COL23A1: variants seen among roughly 807,000 people sequenced by gnomAD.
COL23A1 encodes collagen alpha-1(XXIII) chain.
COL23A1 carries 97 observed loss-of-function variants against 99.3 expected under a neutral mutation model. The observed-to-expected ratio is 0.98, with a 90% CI of 0.83 to 1.16. The LOEUF is 1.16. Ranked by LOEUF, COL23A1 falls within the 50% of genes most tolerant of loss-of-function variation. The pLI, the probability that COL23A1 is intolerant of heterozygous loss-of-function variation, is 0.00. For missense variants in COL23A1, 762 were observed against 757.4 expected, an observed-to-expected ratio of 1.01 and a Z score of -0.07; for synonymous variants, 320 against 308.2, an observed-to-expected ratio of 1.04 and a Z score of -0.40.
At chr5:178,391,767 C>T (rs1382914911) in intron 2 of COL23A1, among the ~76,000 whole-genome samples, 3 of 152,186 alleles carry the variant, frequency 2.0e-5, no homozygotes, top group African/African-American at 7.2e-5. Context: ...CATACAAACA[C>T]TTGTACGCCC....
chr5:178,537,417 G>A (rs207466642), intron 2 of COL23A1, among the ~76,000 whole-genome samples: 1 of 152,236 alleles, frequency 6.6e-6, no homozygotes, highest in Non-Finnish European at 1.5e-5. Context: ...GGGTGGGGCT[G>A]GGTGAAGGGC....
intron 2 of COL23A1, among the ~76,000 whole-genome samples, chr5:178,376,355 G>T (rs1763072014): frequency 6.6e-6 from 1 of 152,228 alleles, no homozygotes; most frequent in South Asian, 2.1e-4. Context: ...TGAGAAGTAG[G>T]TATTATCATT....
intron 2 of COL23A1, among the ~76,000 whole-genome samples, chr5:178,334,698 T>A (rs1039427488): frequency 3.9e-5 from 6 of 152,160 alleles, no homozygotes; most frequent in Non-Finnish European, 7.4e-5. Flanking sequence ...CATCTGCACT[T>A]AAAGACAGCG....
chr5:178,272,405 A>G (rs55997065), intron 5 of COL23A1, among the ~76,000 whole-genome samples: 2,366 of 152,280 alleles, frequency 0.016, 69 homozygotes, highest in African/African-American at 0.053. Context: ...GGCAGCAGGA[A>G]ACCAGGCAGT....
chr5:178,357,905 A>T (rs1761792861), intron 2 of COL23A1, among the ~76,000 whole-genome samples: 1 of 104,676 alleles, frequency 9.6e-6, no homozygotes, highest in Non-Finnish European at 2.0e-5. Context: ...ATGTGTGTCT[A>T]ATGTGTGTGT....
intron 1 of COL23A1, among the ~76,000 whole-genome samples, chr5:178,580,796 G>C (rs958768111): frequency 6.6e-5 from 10 of 152,112 alleles, no homozygotes; most frequent in Admixed American, 2.0e-4. Flanking sequence ...AAGGTGGGAG[G>C]GCTGCTTGAG....
At chr5:178,268,647 C>T (rs1381909046) in intron 7 of COL23A1, 83 bp downstream of exon 7, 7 of 1,467,040 alleles carry the variant, frequency 4.8e-6, no homozygotes, top group Admixed American at 1.8e-5. Flanking sequence ...TGCTCAAGGG[C>T]ACACTGGAAC....
At chr5:178,304,232 GGC>G (rs1216424584) in intron 3 of COL23A1, among the ~76,000 whole-genome samples, 1 of 152,176 alleles carries the variant, frequency 6.6e-6, no homozygotes, top group Non-Finnish European at 1.5e-5. Context: ...TTTCTCTGTG[GGC>G]GCGGTGGCTC....
intron 2 of COL23A1, among the ~76,000 whole-genome samples, chr5:178,318,978 G>A (rs1013326512): frequency 7.9e-5 from 12 of 152,082 alleles, no homozygotes; most frequent in African/African-American, 2.9e-4. Flanking sequence ...CCTGTAGCCA[G>A]GTGAAGGCAG....
At chr5:178,456,877 G>C (rs1173860614) in intron 2 of COL23A1, among the ~76,000 whole-genome samples, 1 of 152,138 alleles carries the variant, frequency 6.6e-6, no homozygotes, top group Non-Finnish European at 1.5e-5. Context: ...AAAATTCCCT[G>C]ATTTCCCCTC....
chr5:178,523,175 TATACAC>T (rs1169827510), intron 2 of COL23A1, among the ~76,000 whole-genome samples: 167 of 89,606 alleles, frequency 1.9e-3, no homozygotes, highest in Middle Eastern at 0.012. Flanking sequence ...TATATATATA[TATACAC>T]ATATATATAT....
chr5:178,582,944 G>A (rs527358588), intron 1 of COL23A1, among the ~76,000 whole-genome samples: 12 of 152,210 alleles, frequency 7.9e-5, no homozygotes, highest in African/African-American at 1.7e-4. Flanking sequence ...CACAGGGTTC[G>A]CAGACATTCG....
chr5:178,537,135 G>A (rs1275708868), intron 2 of COL23A1, among the ~76,000 whole-genome samples: 1 of 152,152 alleles, frequency 6.6e-6, no homozygotes, highest in Non-Finnish European at 1.5e-5. Flanking sequence ...AGGCGTAGAG[G>A]GAGGGGGTCC....
At chr5:178,245,270 A>C in intron 25 of COL23A1, among the ~76,000 whole-genome samples, 4 of 123,098 alleles carry the variant, frequency 3.2e-5, no homozygotes, top group East Asian at 2.5e-4. Flanking sequence ...ATCATCCATC[A>C]TCCATCCATC....
At chr5:178,457,510 C>T (rs772659582) in intron 2 of COL23A1, among the ~76,000 whole-genome samples, 19 of 152,144 alleles carry the variant, frequency 1.2e-4, no homozygotes, top group Non-Finnish European at 1.8e-4. Context: ...CCACTACGCC[C>T]GGCCACAGAG....
chr5:178,259,077 T>G lies in COL23A1; in HGVS notation c.729+644A>C, dbSNP rs193219368. On this transcript the variant is annotated intron_variant, in intron 12 of 28. Coordinates refer to ENST00000390654, the MANE Select transcript of COL23A1 (RefSeq NM_173465.4). ...GATTATAGGTGCCTGTGACCACGCC[T>G]GGCTAATTTATTTTTGGATTTTTAG... Among the ~76,000 whole-genome samples, 735 of 152,142 alleles carry G rather than the reference T, an allele frequency of 4.8e-3. 3 individuals carry two copies. The highest frequency in any genetic ancestry group is 7.7e-3 in the Non-Finnish European group (525 of 67,982).
intron 2 of COL23A1, among the ~76,000 whole-genome samples, chr5:178,541,474 C>T (rs1166769154): frequency 1.3e-5 from 2 of 152,118 alleles, no homozygotes; most frequent in Admixed American, 1.3e-4. Context: ...GCTTGGGAGG[C>T]TGAGGCAGGA....
chr5:178,448,534 A>G (rs1767297976), intron 2 of COL23A1, among the ~76,000 whole-genome samples: 1 of 152,220 alleles, frequency 6.6e-6, no homozygotes, highest in South Asian at 2.1e-4. Context: ...GAGGCTTGGA[A>G]TTCCAAGATC....
At chr5:178,339,819 C>G (rs941285965) in intron 2 of COL23A1, among the ~76,000 whole-genome samples, 1 of 152,132 alleles carries the variant, frequency 6.6e-6, no homozygotes. Flanking sequence ...CTGCTTTTCC[C>G]CAGCACTGGA....
Sources: gnomAD v4.1 joint callset for allele counts (sites outside exome capture counted in the v4.1 genomes callset) on GRCh38, gnomAD v4.1.1 for gene constraint, MANE v1.5 for transcripts, NCBI Gene and HGNC (gene_info 2026-07-23, HGNC 2026-07-21) for gene names.